The following NUP205 variants were observed in gnomAD, a reference collection of about 807,000 sequenced individuals.
The protein encoded by NUP205 is nuclear pore complex protein Nup205.
In NUP205, 76 loss-of-function variants were observed where a neutral mutation model predicts 253.8. That is an observed-to-expected ratio of 0.30 (90% CI 0.25 to 0.36). The LOEUF is 0.36. Among genes scored for constraint, NUP205 ranks in the 10% least tolerant of loss-of-function variants. NUP205 has a pLI of 1.00. For synonymous variants in NUP205, 832 were observed against 850.1 expected, an observed-to-expected ratio of 0.98 and a Z score of 0.37; for missense variants, 2,162 against 2,425.5, an observed-to-expected ratio of 0.89 and a Z score of 2.28.
At chr7:135,624,361 T>C (rs1794537130) in intron 31 of NUP205, among the ~76,000 whole-genome samples, 1 of 148,430 alleles carries the variant, frequency 6.7e-6, no homozygotes, top group Admixed American at 6.7e-5. Context: ...ACCACCATGC[T>C]GGGGTAATTT....
At position 135,593,030 on chromosome 7, in the gene NUP205, A is replaced by T; in HGVS notation, c.1668A>T (p.Glu556Asp). The change falls in exon 12 of 43, where the codon GAA (glutamate) becomes GAT (aspartate). Residue 556 changes from glutamate to aspartate, a missense_variant. Coordinates refer to ENST00000285968, the MANE Select transcript of NUP205 (RefSeq NM_015135.3). ...QGAGGSPVSW[E>D]HFFHSLMLYH... ...CAGGTGGCAGTCCTGTTTCCTGGGAACATTTCTTTCACTCCTTGATGCTTT... is the reference window on the plus strand; with the variant it reads ...CAGGTGGCAGTCCTGTTTCCTGGGATCATTTCTTTCACTCCTTGATGCTTT... 2 of 1,614,026 alleles carry T rather than the reference A, an allele frequency of 1.2e-6. No individual in the cohort carries two copies. The highest frequency in any genetic ancestry group is 1.7e-6 in the Non-Finnish European group (2 of 1,179,934).
chr7:135,624,367 A>G (rs1226708042), intron 31 of NUP205, among the ~76,000 whole-genome samples: 2 of 144,056 alleles, frequency 1.4e-5, no homozygotes, highest in Non-Finnish European at 3.0e-5. Flanking sequence ...ATGCTGGGGT[A>G]ATTTTTATTT....
chr7:135,615,012 G>T (rs545555646), intron 23 of NUP205, among the ~76,000 whole-genome samples: 4 of 152,146 alleles, frequency 2.6e-5, no homozygotes, highest in African/African-American at 9.6e-5. Context: ...AATGGCAAAA[G>T]GTTTTTCACT....
chr7:135,565,074 T>C (rs1805713024), intron 1 of NUP205, among the ~76,000 whole-genome samples: 1 of 152,128 alleles, frequency 6.6e-6, no homozygotes, highest in Non-Finnish European at 1.5e-5. Context: ...CGGCCTATTG[T>C]AGAGTTTTGA....
At chr7:135,595,091 G>A (rs756615386) in intron 13 of NUP205, among the ~76,000 whole-genome samples, 1 of 152,112 alleles carries the variant, frequency 6.6e-6, no homozygotes, top group Non-Finnish European at 1.5e-5. Context: ...TGTGGGGAAT[G>A]TTTGTTTTTC....
chr7:135,600,624 T>A (rs1336880141), intron 15 of NUP205, among the ~76,000 whole-genome samples: 1 of 152,236 alleles, frequency 6.6e-6, no homozygotes, highest in Non-Finnish European at 1.5e-5. Flanking sequence ...TCCAAACATC[T>A]ATAAAAATGT....
chr7:135,587,106 T>G (rs1806485035), intron 8 of NUP205, among the ~76,000 whole-genome samples: 1 of 152,136 alleles, frequency 6.6e-6, no homozygotes, highest in Non-Finnish European at 1.5e-5. Flanking sequence ...GGCATTTAGT[T>G]CACACAAATG....
intron 7 of NUP205, among the ~76,000 whole-genome samples, chr7:135,584,033 A>C (rs1584650402): frequency 6.6e-6 from 1 of 151,496 alleles, no homozygotes; most frequent in South Asian, 2.1e-4. Context: ...AGTAGAGATG[A>C]GGTTTCTCCA....
rs1794434260 is a variant in NUP205, at chr7:135,619,698, T to G, written c.4231+8T>G. 2.5e-6 allele frequency: 4 copies of G among 1,607,036 alleles called. No homozygotes were observed. Among genetic ancestry groups the G allele is most frequent in the African/African-American group, 2.7e-5 (2 of 74,528 alleles). The stretch of plus-strand genomic sequence containing the variant: ...ACTTCATTTTGAAGACAGGTTTTTT[T>G]CATTTAAATTGTCTATAAATTCTAT... On this transcript the variant is annotated splice_region_variant and intron_variant, in intron 29 of 42. Coordinates refer to ENST00000285968, the MANE Select transcript of NUP205 (RefSeq NM_015135.3).
At chr7:135,580,190 T>A (rs1198952451) in intron 7 of NUP205, among the ~76,000 whole-genome samples, 1 of 152,192 alleles carries the variant, frequency 6.6e-6, no homozygotes, top group Non-Finnish European at 1.5e-5. Context: ...TTATCAATCG[T>A]GTAATTCCAG....
Position 135,617,086 on chromosome 7 carries a change from C to T in NUP205, c.3533-4C>T, listed in dbSNP as rs763399273. Reference sequence around the variant, plus strand: ...AAAATCAAATTACTTTTTATTATTTCTAGTACGTCGAAAAATTCTAAATAT... The same window carrying T: ...AAAATCAAATTACTTTTTATTATTTTTAGTACGTCGAAAAATTCTAAATAT... On this transcript the variant is annotated splice_region_variant and splice_polypyrimidine_tract_variant and intron_variant, in intron 25 of 42. Transcript: ENST00000285968. 2 of 1,601,884 alleles carry T rather than the reference C, an allele frequency of 1.2e-6. No homozygotes were observed.
At chr7:135,589,027 G>T (rs997946475) in intron 10 of NUP205, among the ~76,000 whole-genome samples, 2 of 150,864 alleles carry the variant, frequency 1.3e-5, no homozygotes, top group Non-Finnish European at 3.0e-5. Context: ...AAAAATACTA[G>T]CTCGGTGTGC....
chr7:135,593,150 A>G lies in NUP205; in HGVS notation c.1788A>G (p.Gly596=). The change falls in exon 12 of 43, where the codon GGA becomes GGG. Residue 596 remains glycine (G), a synonymous_variant. Transcript: ENST00000285968. The stretch of plus-strand genomic sequence containing the variant: ...GCATCACCCAGAAGGAGCAAGATGG[A>G]TTGATTGCTTTTTTGCAGCTCACGT... The part of the protein sequence containing the change: ...SRGITQKEQD[G]LIAFLQLTST... 1.2e-6 allele frequency: 2 copies of G among 1,614,046 alleles called. No homozygotes were observed. Among genetic ancestry groups the G allele is most frequent in the Non-Finnish European group, 1.7e-6 (2 of 1,179,984 alleles).
At chr7:135,585,127 GCCAGTAGCTGTATTA>G in intron 8 of NUP205, 120 bp downstream of exon 8, 2 of 732,094 alleles carry the variant, frequency 2.7e-6, no homozygotes, top group Non-Finnish European at 4.3e-6. Context: ...ACTAAAATTT[GCCAGTAGCTGTATTA>G]CATCTTGTGA....
intron 31 of NUP205, among the ~76,000 whole-genome samples, chr7:135,623,946 C>T (rs1794527691): frequency 6.6e-6 from 1 of 151,606 alleles, no homozygotes; most frequent in Non-Finnish European, 1.5e-5. Flanking sequence ...CTACGCCTGG[C>T]TAATTTTTTG....
At chr7:135,565,427 C>T (rs1174469265) in intron 1 of NUP205, among the ~76,000 whole-genome samples, 3 of 151,466 alleles carry the variant, frequency 2.0e-5, no homozygotes, top group African/African-American at 2.4e-5. Context: ...GTTTAGGTTC[C>T]ATTTTCTTAT....
intron 38 of NUP205, among the ~76,000 whole-genome samples, chr7:135,639,153 T>C (rs1401962757): frequency 6.6e-6 from 1 of 152,112 alleles, no homozygotes; most frequent in Non-Finnish European, 1.5e-5. Flanking sequence ...AATGTTTGAA[T>C]ATGGGGCAGG....
At chr7:135,635,534 TTTTG>T (rs748949447) in intron 35 of NUP205, 43 bp from the exon 36 acceptor site, 10 of 1,016,114 alleles carry the variant, frequency 9.8e-6, no homozygotes, top group South Asian at 3.1e-5. Context: ...TTTTTAATGT[TTTTG>T]TTTATTATAA....
chr7:135,564,790 TG>T (rs1805700880), intron 1 of NUP205, among the ~76,000 whole-genome samples: 1 of 151,812 alleles, frequency 6.6e-6, no homozygotes, highest in South Asian at 2.1e-4. Context: ...TTTTTTGAGA[TG>T]GAGTCTCACT....
Sources: allele counts gnomAD v4.1 joint callset (sites outside exome capture counted in the v4.1 genomes callset), GRCh38; gene constraint gnomAD v4.1.1; transcripts MANE v1.5; gene names NCBI Gene and HGNC (gene_info 2026-07-23, HGNC 2026-07-21).